Variants in CDC14B observed in about 807,000 individuals in gnomAD.
CDC14B encodes cell division cycle 14B.
A neutral mutation model predicts 64.2 loss-of-function variants in CDC14B; 22 were observed. The observed-to-expected ratio is 0.34, with a 90% confidence interval of 0.24 to 0.49. The LOEUF is 0.49. Among genes scored for constraint, CDC14B ranks in the 20% least tolerant of loss-of-function variants. CDC14B has a pLI of 0.99. For synonymous variants in CDC14B, 191 were observed against 215.8 expected (o/e 0.89, Z 1.01); for missense variants, 498 against 629.9 (o/e 0.79, Z 2.24).
intron 1 of CDC14B, among the ~76,000 whole-genome samples, chr9:96,590,895 C>A (rs1845752033): frequency 6.6e-6 from 1 of 152,120 alleles, no homozygotes; most frequent in Admixed American, 6.6e-5. Context: ...GCTCATTGGT[C>A]ATGTGTATAT....
intron 1 of CDC14B, among the ~76,000 whole-genome samples, chr9:96,597,314 T>C (rs1186577225): frequency 6.6e-6 from 1 of 151,906 alleles, no homozygotes; most frequent in Non-Finnish European, 1.5e-5. Context: ...GCCAACATGG[T>C]GAAACCCCGT....
intron 1 of CDC14B, among the ~76,000 whole-genome samples, chr9:96,617,671 G>T (rs558425582): frequency 6.6e-6 from 1 of 152,120 alleles, no homozygotes; most frequent in East Asian, 1.9e-4. Flanking sequence ...CCTATTTCTA[G>T]AAGGCTTCAC....
At chr9:96,550,678 T>G (rs946749972) in intron 5 of CDC14B, among the ~76,000 whole-genome samples, 8 of 152,214 alleles carry the variant, frequency 5.3e-5, no homozygotes, top group African/African-American at 1.7e-4. Flanking sequence ...ATGAGTAAAA[T>G]TATTTCATAC....
intron 12 of CDC14B, among the ~76,000 whole-genome samples, chr9:96,511,453 C>T (rs1227565781): frequency 1.3e-5 from 2 of 152,140 alleles, no homozygotes; most frequent in Admixed American, 6.5e-5. Flanking sequence ...TGCCTATAAT[C>T]CCAACTACTC....
intron 1 of CDC14B, among the ~76,000 whole-genome samples, chr9:96,615,953 G>C (rs941959348): frequency 6.6e-6 from 1 of 152,162 alleles, no homozygotes; most frequent in African/African-American, 2.4e-5. Flanking sequence ...TTGCAATAGG[G>C]ACTGGAAAAC....
chr9:96,595,288 C>T (rs371420333), intron 1 of CDC14B, among the ~76,000 whole-genome samples: 1 of 152,134 alleles, frequency 6.6e-6, no homozygotes, highest in African/African-American at 2.4e-5. Flanking sequence ...TATAACAATA[C>T]GAAAATATTT....
At chr9:96,541,779 T>TGTTA (rs1840094616) in intron 6 of CDC14B, 47 bp downstream of exon 6, 1 of 1,344,398 alleles carries the variant, frequency 7.4e-7, no homozygotes. Context: ...TTGGACCGCA[T>TGTTA]GTTAGTTCCT....
chr9:96,540,053 C>G (rs1266028649), intron 6 of CDC14B, among the ~76,000 whole-genome samples: 1 of 152,154 alleles, frequency 6.6e-6, no homozygotes, highest in South Asian at 2.1e-4. Flanking sequence ...GTTATTTAAA[C>G]ACTAATCCCA....
chr9:96,606,058 G>A (rs527673377), intron 1 of CDC14B, among the ~76,000 whole-genome samples: 5 of 151,908 alleles, frequency 3.3e-5, no homozygotes, highest in East Asian at 3.9e-4. Context: ...TGCTGCCCGG[G>A]AATGGTGGCT....
intron 4 of CDC14B, among the ~76,000 whole-genome samples, chr9:96,552,875 T>C (rs1025085170): frequency 2.6e-5 from 4 of 152,106 alleles, no homozygotes; most frequent in East Asian, 1.9e-4. Flanking sequence ...TAAAATTAGG[T>C]TGAACTCCAA....
intron 1 of CDC14B, among the ~76,000 whole-genome samples, chr9:96,615,952 G>A (rs1847599393): frequency 6.6e-6 from 1 of 152,042 alleles, no homozygotes; most frequent in Non-Finnish European, 1.5e-5. Context: ...TTTGCAATAG[G>A]GACTGGAAAA....
chr9:96,512,527 G>T (rs1342889183), intron 12 of CDC14B, among the ~76,000 whole-genome samples: 1 of 151,860 alleles, frequency 6.6e-6, no homozygotes, highest in Non-Finnish European at 1.5e-5. Context: ...GTCTCGCTAT[G>T]TTGCCCAGGC....
intron 3 of CDC14B, among the ~76,000 whole-genome samples, chr9:96,564,297 G>A (rs925792022): frequency 1.3e-5 from 2 of 152,038 alleles, no homozygotes; most frequent in Admixed American, 1.3e-4. Context: ...AGATTCTCAC[G>A]CCCCTTAATC....
At chr9:96,579,150 T>A (rs1261190740) in intron 1 of CDC14B, among the ~76,000 whole-genome samples, 1 of 152,136 alleles carries the variant, frequency 6.6e-6, no homozygotes, top group South Asian at 2.1e-4. Context: ...CACAGTAATG[T>A]AAGATGATGT....
chr9:96,525,413 C>T (rs900132347), intron 9 of CDC14B, among the ~76,000 whole-genome samples: 3 of 148,530 alleles, frequency 2.0e-5, no homozygotes, highest in African/African-American at 7.5e-5. Context: ...AATTTAGAGA[C>T]CCCCAGTGCT....
At chr9:96,568,324 G>A (rs1271655963) in intron 1 of CDC14B, among the ~76,000 whole-genome samples, 1 of 152,164 alleles carries the variant, frequency 6.6e-6, no homozygotes, top group Non-Finnish European at 1.5e-5. Context: ...TTTTTAAGTA[G>A]TTTTCATGGC....
At chr9:96,580,338 T>C (rs1845072653) in intron 1 of CDC14B, among the ~76,000 whole-genome samples, 1 of 151,850 alleles carries the variant, frequency 6.6e-6, no homozygotes, top group Non-Finnish European at 1.5e-5. Flanking sequence ...TTCAAGCGAT[T>C]CTCCTGCCTC....
intron 13 of CDC14B, among the ~76,000 whole-genome samples, chr9:96,495,024 C>CG (rs1833190932): frequency 6.6e-6 from 1 of 151,566 alleles, no homozygotes; most frequent in African/African-American, 2.4e-5. Context: ...TTAGTAGAGA[C>CG]GGGGTTTCAC....
At chr9:96,617,939 C>T (rs1455135704) in intron 1 of CDC14B, among the ~76,000 whole-genome samples, 4 of 152,192 alleles carry the variant, frequency 2.6e-5, no homozygotes, top group African/African-American at 9.6e-5. Flanking sequence ...AAGGGCACAA[C>T]GTTAGCGGGA....
Sources: gnomAD v4.1 joint callset for allele counts (sites outside exome capture counted in the v4.1 genomes callset) on GRCh38, gnomAD v4.1.1 for gene constraint, MANE v1.5 for transcripts, NCBI Gene and HGNC (gene_info 2026-07-23, HGNC 2026-07-21) for gene names.